The following CSMD1 variants were observed in gnomAD, a reference collection of about 807,000 sequenced individuals.
The protein encoded by CSMD1 is CUB and Sushi multiple domains 1, also known as CUB and sushi domain-containing protein 1.
CSMD1 carries 213 observed loss-of-function variants against 417.5 expected under a neutral mutation model. The ratio of observed to expected loss-of-function variants is 0.51; its 90% CI spans 0.46 to 0.57. The LOEUF is 0.57. Among genes scored for constraint, CSMD1 ranks in the 20% least tolerant of loss-of-function variants. The pLI, the probability that CSMD1 is intolerant of heterozygous loss-of-function variation, is 0.00. For missense variants in CSMD1, 6,923 were observed against 4,529.7 expected (o/e 1.53, Z -15.17); for synonymous variants, 2,862 against 1,736.8 (o/e 1.65, Z -16.11).
chr8:4,923,385 C>G (rs778255563), intron 1 of CSMD1, among the ~76,000 whole-genome samples: 1 of 152,108 alleles, frequency 6.6e-6, no homozygotes, highest in Non-Finnish European at 1.5e-5. Flanking sequence ...AAGAGTGTAA[C>G]TGGATTGTTT....
Position 3,588,820 on chromosome 8 carries a change from G to T in CSMD1, c.1098-2560C>A, listed in dbSNP as rs904294059. On this transcript the variant is annotated intron_variant, in intron 8 of 69. Transcript: ENST00000635120. ...CTGCAGAATGGGAGAAGATGCTGGA[G>T]AACAAAATACCTGCTAATGCGTTCA... Among the ~76,000 whole-genome samples the T allele has an allele frequency of 3.3e-5, 5 of 152,046 alleles. No homozygotes were observed. The East Asian group carries it at 9.6e-4, about 29-fold the overall frequency.
chr8:3,555,100 G>C (rs542526686), intron 10 of CSMD1, among the ~76,000 whole-genome samples: 1 of 152,040 alleles, frequency 6.6e-6, no homozygotes, highest in Non-Finnish European at 1.5e-5. Context: ...CGTAGGACCC[G>C]TGACAGGCAA....
At chr8:3,075,913 T>C (rs997728233) in intron 49 of CSMD1, among the ~76,000 whole-genome samples, 10 of 147,180 alleles carry the variant, frequency 6.8e-5, no homozygotes, top group South Asian at 2.1e-4. Flanking sequence ...TAGCCGGGCG[T>C]GGTGGCGGGC....
Position 3,201,623 on chromosome 8 carries a change from C to A in CSMD1, c.5087G>T (p.Gly1696Val). The stretch of plus-strand genomic sequence containing the variant: ...TCTTTAAGACTTACCTGAGTGAGAC[C>A]CCGAGAGTGAGCTGAGAAGTCTGGC... ...AQARLLSSLS[G>V]SHSGETLPLA... Residue 1696 changes from glycine (G) to valine (V), a missense_variant, in exon 32 of 70, where the codon GGG (glycine) becomes GTG (valine). Transcript: ENST00000635120. 6.3e-7 allele frequency: 1 copy of A among 1,597,588 alleles called. No individual in the cohort carries two copies.
chr8:4,031,617 T>G (rs184947819), intron 4 of CSMD1, among the ~76,000 whole-genome samples: 61 of 151,518 alleles, frequency 4.0e-4, no homozygotes, highest in African/African-American at 1.4e-3. Flanking sequence ...TGACTTTATG[T>G]GGTCCAAGCA....
intron 21 of CSMD1, among the ~76,000 whole-genome samples, chr8:3,357,196 C>G (rs1808852109): frequency 6.6e-6 from 1 of 152,188 alleles, no homozygotes. Flanking sequence ...AATCAGGAAA[C>G]TGCAGGCAAA....
intron 3 of CSMD1, among the ~76,000 whole-genome samples, chr8:4,083,130 A>T (rs1800229449): frequency 6.6e-6 from 1 of 152,090 alleles, no homozygotes; most frequent in Admixed American, 6.5e-5. Flanking sequence ...GTATATACCC[A>T]GTAACGGGAT....
rs137991755 is a variant in CSMD1 at position 3,643,084 on chromosome 8, G to C, written c.1010-26287C>G. On this transcript the variant is annotated intron_variant, in intron 7 of 69. Transcript: ENST00000635120. ...GTGTCGACGGCACGGGAGAGGGAGA[G>C]AGACAGGCATGCAGCTTGTCAGGAT... 4.6e-3 allele frequency among the ~76,000 whole-genome samples: 707 copies of C among 152,096 alleles called. 5 individuals carry two copies. Among genetic ancestry groups the C allele is most frequent in the African/African-American group, 0.013 (535 of 41,476 alleles).
intron 4 of CSMD1, among the ~76,000 whole-genome samples, chr8:4,012,631 CAG>C (rs1563317443): frequency 6.6e-6 from 1 of 152,110 alleles, no homozygotes; most frequent in Non-Finnish European, 1.5e-5. Context: ...CTACAGTTTT[CAG>C]AGTGTCCATC....
At chr8:2,994,160 A>C (rs1407600632) in intron 54 of CSMD1, among the ~76,000 whole-genome samples, 9 of 148,668 alleles carry the variant, frequency 6.1e-5, no homozygotes, top group Non-Finnish European at 1.0e-4. Context: ...AAAAAAAAAA[A>C]AAAAAAAAAA....
intron 1 of CSMD1, among the ~76,000 whole-genome samples, chr8:4,726,097 G>A (rs1270802471): frequency 6.6e-6 from 1 of 152,082 alleles, no homozygotes; most frequent in Non-Finnish European, 1.5e-5. Flanking sequence ...TACACAGAAC[G>A]CACATATAAC....
At chr8:2,951,384 G>C (rs1802620742) in intron 65 of CSMD1, 109 bp from the exon 66 acceptor site, 2 of 1,145,520 alleles carry the variant, frequency 1.7e-6, no homozygotes, top group Non-Finnish European at 1.2e-6. Flanking sequence ...TCACAGATGA[G>C]GGCAGTGATG....
At chr8:3,740,100 AATTTT>A (rs1040108863) in intron 6 of CSMD1, among the ~76,000 whole-genome samples, 18 of 152,028 alleles carry the variant, frequency 1.2e-4, no homozygotes, top group African/African-American at 3.9e-4. Context: ...CATTTTACAA[AATTTT>A]ATTTTATTTT....
At chr8:4,038,658 A>G (rs1563349588) in intron 3 of CSMD1, among the ~76,000 whole-genome samples, 2 of 152,168 alleles carry the variant, frequency 1.3e-5, no homozygotes, top group African/African-American at 4.8e-5. Flanking sequence ...AATTCTCTTT[A>G]TTTATTTCCT....
intron 25 of CSMD1, among the ~76,000 whole-genome samples, chr8:3,291,878 G>C (rs1021165504): frequency 6.6e-6 from 1 of 151,950 alleles, no homozygotes; most frequent in Non-Finnish European, 1.5e-5. Context: ...GCTTTTGAAT[G>C]TGTTTGTTCT....
At chr8:3,613,156 A>T in intron 8 of CSMD1, 1 of 175,712 alleles carries the variant, frequency 5.7e-6, no homozygotes, top group Non-Finnish European at 1.2e-5. Flanking sequence ...CAAATTTGAC[A>T]ACTTAGATTA....
At chr8:4,973,595 TA>T (rs1395911832) in intron 1 of CSMD1, among the ~76,000 whole-genome samples, 12 of 152,312 alleles carry the variant, frequency 7.9e-5, no homozygotes, top group African/African-American at 2.9e-4. Context: ...AAAATTGACT[TA>T]AAGTGTTCTC....
At chr8:4,158,130 C>G (rs968333999) in intron 3 of CSMD1, among the ~76,000 whole-genome samples, 1 of 151,294 alleles carries the variant, frequency 6.6e-6, no homozygotes, top group Non-Finnish European at 1.5e-5. Flanking sequence ...TCCCTGCAGT[C>G]CCTGAGGTCA....
chr8:4,986,622 G>A (rs1279931436), intron 1 of CSMD1, among the ~76,000 whole-genome samples: 3 of 152,026 alleles, frequency 2.0e-5, no homozygotes, highest in African/African-American at 4.8e-5. Flanking sequence ...CACTCGAACA[G>A]TATTTTTATA....
Sources: allele counts gnomAD v4.1 joint callset (sites outside exome capture counted in the v4.1 genomes callset), GRCh38; gene constraint gnomAD v4.1.1; transcripts MANE v1.5; gene names NCBI Gene and HGNC (gene_info 2026-07-23, HGNC 2026-07-21).